NBEAL1: variants seen among roughly 807,000 people sequenced by gnomAD.
NBEAL1 encodes the protein neurobeachin like 1.
NBEAL1 carries 273 observed loss-of-function variants against 351.3 expected under a neutral mutation model. That is an observed-to-expected ratio of 0.78 (90% CI 0.70 to 0.86). The LOEUF (loss-of-function observed/expected upper bound fraction) is 0.86, where lower values mean the gene tolerates loss of function less well. Among genes scored for constraint, NBEAL1 ranks in the 40% least tolerant of loss-of-function variants. The pLI, the probability that NBEAL1 is intolerant of heterozygous loss-of-function variation, is 0.00. For synonymous variants in NBEAL1, 1,050 were observed against 1,086.4 expected (o/e 0.97, Z 0.66); for missense variants, 2,961 against 3,201.3 (o/e 0.92, Z 1.81).
At chr2:203,213,825 T>C (rs1264917953) in intron 55 of NBEAL1, 172 bp downstream of exon 55, 1 of 977,900 alleles carries the variant, frequency 1.0e-6, no homozygotes, top group Non-Finnish European at 1.2e-6. Context: ...TCAAGAATCA[T>C]GTTTATGTTA....
chr2:203,049,490 T>G (rs1018933694), intron 3 of NBEAL1, among the ~76,000 whole-genome samples: 2 of 152,226 alleles, frequency 1.3e-5, no homozygotes, highest in African/African-American at 4.8e-5. Flanking sequence ...GAACATAATT[T>G]ATTCTAAGTA....
intron 27 of NBEAL1, among the ~76,000 whole-genome samples, chr2:203,133,365 A>G (rs1575019132): frequency 2.6e-5 from 4 of 152,196 alleles, no homozygotes; most frequent in Admixed American, 2.6e-4. Flanking sequence ...TCCTGCAAAT[A>G]TGTTCTTTCC....
chr2:203,100,478 T>C (rs1159689323), intron 12 of NBEAL1, among the ~76,000 whole-genome samples: 1 of 152,190 alleles, frequency 6.6e-6, no homozygotes, highest in Non-Finnish European at 1.5e-5. Flanking sequence ...GTGGTTTTGA[T>C]TTGCATTTCT....
chr2:203,178,111 A>G (rs1575089957), intron 42 of NBEAL1, among the ~76,000 whole-genome samples: 1 of 151,634 alleles, frequency 6.6e-6, no homozygotes, highest in African/African-American at 2.4e-5. Flanking sequence ...GAAGACATAT[A>G]TGCACACAAA....
chr2:203,151,378 C>A, intron 34 of NBEAL1, 87 bp from the exon 35 acceptor site: 1 of 964,742 alleles, frequency 1.0e-6, no homozygotes, highest in Non-Finnish European at 1.5e-6. Context: ...ATGTAAAATA[C>A]TTGATACTTT....
chr2:203,122,392 C>A (rs759239900), intron 19 of NBEAL1, 49 bp downstream of exon 19: 31 of 1,165,310 alleles, frequency 2.7e-5, no homozygotes, highest in Non-Finnish European at 3.6e-5. Flanking sequence ...TTTACTGATA[C>A]TCTTATTAAG....
intron 17 of NBEAL1, 49 bp from the exon 18 acceptor site, chr2:203,115,936 G>A: frequency 8.3e-7 from 1 of 1,198,696 alleles, no homozygotes; most frequent in Non-Finnish European, 1.2e-6. Flanking sequence ...CAGAACCAAG[G>A]AGACCATATA....
intron 2 of NBEAL1, among the ~76,000 whole-genome samples, chr2:203,036,947 G>C (rs2061049091): frequency 6.7e-6 from 1 of 149,232 alleles, no homozygotes; most frequent in Admixed American, 6.8e-5. Flanking sequence ...TCAGCTTCTT[G>C]TGTTTCTGGA....
At chr2:203,110,079 T>A (rs2062530476) in intron 14 of NBEAL1, 71 bp from the exon 15 acceptor site, 1 of 1,398,354 alleles carries the variant, frequency 7.2e-7, no homozygotes, top group Non-Finnish European at 9.6e-7. Flanking sequence ...GCTTTATGGT[T>A]TTATGTACTT....
intron 50 of NBEAL1, among the ~76,000 whole-genome samples, 198 bp from the exon 51 acceptor site, chr2:203,202,489 A>C (rs1415538261): frequency 2.0e-5 from 3 of 152,180 alleles, no homozygotes; most frequent in African/African-American, 7.2e-5. Context: ...GGGATTTCAA[A>C]GAAAGCTCTC....
chr2:203,205,469 G>A (rs1037517037), intron 51 of NBEAL1, among the ~76,000 whole-genome samples: 5 of 152,026 alleles, frequency 3.3e-5, no homozygotes, highest in Non-Finnish European at 7.4e-5. Flanking sequence ...CACAGTCCAT[G>A]TTCTAATTTT....
At chr2:203,149,251 A>T in intron 34 of NBEAL1, 103 bp downstream of exon 34, 1 of 757,268 alleles carries the variant, frequency 1.3e-6, no homozygotes, top group Non-Finnish European at 2.0e-6. Context: ...TAAATGTTCA[A>T]TTCATAAAAG....
intron 18 of NBEAL1, among the ~76,000 whole-genome samples, chr2:203,118,837 C>T (rs1415246532): frequency 6.6e-6 from 1 of 152,206 alleles, no homozygotes; most frequent in Non-Finnish European, 1.5e-5. Flanking sequence ...GATCCGCCCG[C>T]CTTGGCCTCC....
chr2:203,154,383 A>C (rs1337982519), intron 35 of NBEAL1, among the ~76,000 whole-genome samples: 4 of 152,214 alleles, frequency 2.6e-5, no homozygotes. Context: ...TATACTTCAG[A>C]ATTAACTGCA....
chr2:203,216,055 T>C (rs2065891332), intron 55 of NBEAL1, among the ~76,000 whole-genome samples: 1 of 150,834 alleles, frequency 6.6e-6, no homozygotes, highest in Non-Finnish European at 1.5e-5. Flanking sequence ...AAAAAGTAGG[T>C]TGCACTTGAG....
intron 7 of NBEAL1, among the ~76,000 whole-genome samples, chr2:203,070,359 C>CTTT (rs34588218): frequency 2.2e-3 from 199 of 92,294 alleles, no homozygotes; most frequent in Non-Finnish European, 2.7e-3. Flanking sequence ...CTCTCTCTCT[C>CTTT]TTTTTTTTTT....
intron 18 of NBEAL1, among the ~76,000 whole-genome samples, chr2:203,119,726 C>T (rs1044048826): frequency 3.9e-5 from 6 of 151,940 alleles, no homozygotes; most frequent in Admixed American, 6.6e-5. Context: ...GTGCCCGGCC[C>T]AGTTGCATTC....
intron 38 of NBEAL1, among the ~76,000 whole-genome samples, chr2:203,169,388 TAAAAAAAAAA>T (rs1208449990): frequency 2.7e-4 from 24 of 89,662 alleles, no homozygotes; most frequent in Admixed American, 1.8e-3. Context: ...TTGAATATAG[TAAAAAAAAAA>T]AAAAAAAAAA....
intron 19 of NBEAL1, 35 bp downstream of exon 19, chr2:203,122,378 A>G (rs776483740): frequency 1.6e-6 from 2 of 1,254,986 alleles, no homozygotes; most frequent in African/African-American, 1.5e-5. Flanking sequence ...AACATCTTAC[A>G]TAATTTACTG....
Sources: allele counts gnomAD v4.1 joint callset (sites outside exome capture counted in the v4.1 genomes callset), GRCh38; gene constraint gnomAD v4.1.1; transcripts MANE v1.5; gene names NCBI Gene and HGNC (gene_info 2026-07-23, HGNC 2026-07-21).